REXO2: variants seen among roughly 807,000 people sequenced by gnomAD.
The protein encoded by REXO2 is RNA exonuclease 2.
REXO2 carries 17 observed loss-of-function variants against 30.9 expected under a neutral mutation model. That is an observed-to-expected ratio of 0.55 (90% CI 0.38 to 0.82). The LOEUF (loss-of-function observed/expected upper bound fraction) is 0.82. Ranked by LOEUF, REXO2 falls within the 40% of genes least tolerant of loss-of-function variation. The pLI is 0.00. For synonymous variants in REXO2, 105 were observed against 99.6 expected (o/e 1.05, Z -0.32); for missense variants, 253 against 293.2 (o/e 0.86, Z 1.00).
chr11:114,441,877 G>T, intron 2 of REXO2: 1 of 636,014 alleles, frequency 1.6e-6, no homozygotes, highest in South Asian at 1.8e-5. Context: ...TTTTAACTTT[G>T]TATAAATAAA....
chr11:114,440,747 A>T lies in REXO2; in HGVS notation c.231+8A>T, dbSNP rs753558096. On this transcript the variant is annotated splice_region_variant and intron_variant, in intron 2 of 6. Coordinates refer to ENST00000265881, the MANE Select transcript of REXO2 (RefSeq NM_015523.4). Reference sequence around the variant, plus strand: ...CTCAACATTTTGGCTGAAGTACGTGATGCCATGTAATACAGTCATACTTTT... The same window carrying T: ...CTCAACATTTTGGCTGAAGTACGTGTTGCCATGTAATACAGTCATACTTTT... 2 of 1,580,704 alleles carry T rather than the reference A, an allele frequency of 1.3e-6. No homozygotes were observed. The highest frequency in any genetic ancestry group is 1.7e-6 in the Non-Finnish European group (2 of 1,149,642).
intron 5 of REXO2, 35 bp downstream of exon 5, chr11:114,446,122 C>T (rs762232676): frequency 8.8e-7 from 1 of 1,132,262 alleles, no homozygotes; most frequent in Non-Finnish European, 1.3e-6. Flanking sequence ...TAAATTACCT[C>T]ATTTAGCATG....
intron 1 of REXO2, 57 bp from the exon 2 acceptor site, chr11:114,440,599 G>C: frequency 7.5e-7 from 1 of 1,330,868 alleles, no homozygotes; most frequent in East Asian, 2.3e-5. Context: ...ATAAACTTGG[G>C]TAAAAGAGGC....
intron 5 of REXO2, among the ~76,000 whole-genome samples, chr11:114,446,870 G>A (rs1946512282): frequency 6.6e-6 from 1 of 151,570 alleles, no homozygotes. Context: ...GTAGAAGAGT[G>A]AGTGATAACG....
intron 6 of REXO2, chr11:114,449,192 A>T (rs1405266557): frequency 6.6e-6 from 1 of 152,274 alleles, no homozygotes; most frequent in Non-Finnish European, 1.5e-5. Context: ...CACTGATTAT[A>T]GCACAAATCA....
In REXO2 at chr11:114,444,395, G is replaced by A. The variant is rs1946499429; in HGVS notation, c.310-146G>A. 3 of 669,042 alleles carry A rather than the reference G, an allele frequency of 4.5e-6. No individual in the cohort carries two copies. The East Asian group carries it at 8.2e-5, about 18-fold the overall frequency. The allele number at this position is 669,042 out of a possible 1,614,324, so 41.4% of individuals were successfully genotyped here. A position where few individuals can be genotyped will look rare whatever the true frequency, so the allele number is the denominator to read the frequency against. ...AAGAAAAAAAAATGGTGCAAAGATG[G>A]CAGTTGCAATTTGAACTTGAGCTCT... is the stretch of plus-strand genomic sequence containing the variant. On this transcript the variant is annotated intron_variant, in intron 3 of 6. Transcript: ENST00000265881.
At chr11:114,440,184 C>T (rs1027297251) in intron 1 of REXO2, 23 of 459,972 alleles carry the variant, frequency 5.0e-5, no homozygotes, top group Middle Eastern at 3.2e-4. Flanking sequence ...GAGACCAGAA[C>T]CCAGTTCCTA....
At chr11:114,449,822 T>A in intron 6 of REXO2, 24 bp from the exon 7 acceptor site, 2 of 1,596,870 alleles carry the variant, frequency 1.3e-6, no homozygotes, top group Non-Finnish European at 1.7e-6. Context: ...GACAGTTCAT[T>A]CATTGTGGTA....
At position 114,445,920 on chromosome 11, in the gene REXO2, G is replaced by C. The variant is rs76090624; in HGVS notation, c.422-59G>C. The C allele has an allele frequency of 2.0e-3, 1,799 of 889,312 alleles. 23 individuals are homozygous for C. In the African/African-American group the frequency reaches 0.027, roughly 13 times the overall value. 55.1% of individuals were successfully genotyped at this position (889,312 alleles called of 1,614,324 possible). A position where few individuals can be genotyped will look rare whatever the true frequency, so the allele number is the denominator to read the frequency against. ...ATTTCAAATACAACTTATGAATTTT[G>C]ATATCCTGTTGTATAATACTAGAAA... On this transcript the variant is annotated intron_variant, in intron 4 of 6. Coordinates refer to ENST00000265881, the MANE Select transcript of REXO2 (RefSeq NM_015523.4).
Position 114,439,556 on chromosome 11 carries a change from C to T in REXO2, c.28C>T (p.Leu10=), listed in dbSNP as rs763380528. 3.7e-6 allele frequency: 6 copies of T among 1,609,086 alleles called. No individual in the cohort carries two copies. The highest frequency in any genetic ancestry group is 5.1e-6 in the Non-Finnish European group (6 of 1,179,526). The part of the protein sequence containing the change: MLGGSLGSR[L]LRGVGGSHGR... Reference sequence around the variant, plus strand: ...GCTAGGCGGCTCCCTGGGCTCCAGGCTGTTGCGGGGTGTAGGTGGGAGTCA... The same window carrying T: ...GCTAGGCGGCTCCCTGGGCTCCAGGTTGTTGCGGGGTGTAGGTGGGAGTCA... The change falls in exon 1 of 7, where the codon CTG becomes TTG. Residue 10 remains leucine, a synonymous_variant. Coordinates refer to ENST00000265881, the MANE Select transcript of REXO2 (RefSeq NM_015523.4).
chr11:114,439,509 G>C lies in REXO2; in HGVS notation c.-20G>C. ...CAGCGCCGGCTGCGAGACTGGGGCC[G>C]TGGCTGCTGGTCCCGGGTGATGCTA... is the stretch of plus-strand genomic sequence containing the variant. On this transcript the variant is annotated 5_prime_UTR_variant, in exon 1 of 7. Transcript: ENST00000265881. 2 of 1,601,788 alleles carry C rather than the reference G, an allele frequency of 1.2e-6. No homozygotes were observed. Among genetic ancestry groups the C allele is most frequent in the African/African-American group, 1.3e-5 (1 of 74,712 alleles).
At chr11:114,444,811 T>C (rs1591211468) in intron 4 of REXO2, among the ~76,000 whole-genome samples, 159 bp downstream of exon 4, 1 of 152,220 alleles carries the variant, frequency 6.6e-6, no homozygotes, top group African/African-American at 2.4e-5. Context: ...CTGTGTAGTT[T>C]ATAGCATGAG....
At chr11:114,443,743 C>T in intron 2 of REXO2, 113 bp from the exon 3 acceptor site, 2 of 718,676 alleles carry the variant, frequency 2.8e-6, no homozygotes, top group Admixed American at 5.2e-5. Context: ...GTATCCTTAT[C>T]TCTTACTTTC....
At chr11:114,446,179 TAAGGCTACC>T in intron 5 of REXO2, 92 bp downstream of exon 5, 1 of 709,806 alleles carries the variant, frequency 1.4e-6, no homozygotes, top group South Asian at 2.1e-5. Context: ...GCTGTAGAAC[TAAGGCTACC>T]AAGTGGGTTC....
intron 1 of REXO2, 139 bp from the exon 2 acceptor site, chr11:114,440,517 C>A: frequency 1.6e-6 from 1 of 640,530 alleles, no homozygotes; most frequent in Non-Finnish European, 2.7e-6. Context: ...AGTAGTTGCC[C>A]GAGGAGCATT....
At chr11:114,442,734 G>A (rs1338466125) in intron 2 of REXO2, among the ~76,000 whole-genome samples, 1 of 152,180 alleles carries the variant, frequency 6.6e-6, no homozygotes, top group East Asian at 1.9e-4. Flanking sequence ...CTTACAGAGG[G>A]AGAAGCTGAG....
chr11:114,439,517 T>C lies in REXO2; in HGVS notation c.-12T>C, dbSNP rs745822728. 2 of 1,603,802 alleles carry C rather than the reference T, an allele frequency of 1.2e-6. No individual in the cohort carries two copies. Among genetic ancestry groups the C allele is most frequent in the South Asian group, 2.2e-5 (2 of 90,892 alleles). Reference sequence around the variant, plus strand: ...GCTGCGAGACTGGGGCCGTGGCTGCTGGTCCCGGGTGATGCTAGGCGGCTC... The same window carrying C: ...GCTGCGAGACTGGGGCCGTGGCTGCCGGTCCCGGGTGATGCTAGGCGGCTC... On this transcript the variant is annotated 5_prime_UTR_variant, in exon 1 of 7. Transcript: ENST00000265881.
chr11:114,443,540 T>C (rs1236099685), intron 2 of REXO2, among the ~76,000 whole-genome samples: 1 of 152,128 alleles, frequency 6.6e-6, no homozygotes, highest in African/African-American at 2.4e-5. Flanking sequence ...AAACAATCTT[T>C]TACAAATGTA....
In REXO2 at chr11:114,443,840, C is replaced by T. The variant is rs753372372; in HGVS notation, c.232-16C>T. 172 of 1,588,256 alleles carry T rather than the reference C, an allele frequency of 1.1e-4. 1 individual carries two copies. In the South Asian group the frequency reaches 1.7e-3, roughly 16 times the overall value. ...CCTGTTGTTTCTTGGTGACTGATGG[C>T]GTTTCCCATCCACAGGGTCCTAACC... is the stretch of plus-strand genomic sequence containing the variant. On this transcript the variant is annotated splice_polypyrimidine_tract_variant and intron_variant, in intron 2 of 6. Coordinates refer to ENST00000265881, the MANE Select transcript of REXO2 (RefSeq NM_015523.4).
Sources: allele counts gnomAD v4.1 joint callset (sites outside exome capture counted in the v4.1 genomes callset), GRCh38; gene constraint gnomAD v4.1.1; transcripts MANE v1.5; gene names NCBI Gene and HGNC (gene_info 2026-07-23, HGNC 2026-07-21).